Variants in TTC7A observed in about 807,000 individuals in gnomAD.
The protein encoded by TTC7A is tetratricopeptide repeat protein 7A.
A neutral mutation model predicts 103.7 loss-of-function variants in TTC7A; 110 were observed. That is an observed-to-expected ratio of 1.06 (90% CI 0.91 to 1.24). TTC7A has a LOEUF of 1.24. Ranked by LOEUF, TTC7A falls within the 50% of genes most tolerant of loss-of-function variation. TTC7A has a pLI of 0.00. For synonymous variants in TTC7A, 521 were observed against 467.9 expected (o/e 1.11, Z -1.47); for missense variants, 1,340 against 1,116.3 (o/e 1.20, Z -2.86).
chr2:47,029,171 T>C, intron 14 of TTC7A, 53 bp from the exon 15 acceptor site: 1 of 1,599,366 alleles, frequency 6.3e-7, no homozygotes. Flanking sequence ...GGCTCCTGAG[T>C]CCCAGGGCAG....
intron 19 of TTC7A, among the ~76,000 whole-genome samples, chr2:47,072,684 C>T (rs1684861793): frequency 6.6e-6 from 1 of 152,198 alleles, no homozygotes; most frequent in African/African-American, 2.4e-5. Flanking sequence ...CGGTGGTGGG[C>T]TTTACCTCCC....
rs144064667 is a variant in TTC7A at position 47,023,440 on chromosome 2, C to T, written c.1543C>T (p.Arg515Trp). The T allele has an allele frequency of 3.0e-4, 483 of 1,614,092 alleles. No individual in the cohort carries two copies. The African/African-American group carries it at 5.2e-3, about 17-fold the overall frequency. ...TLKSKQDELH[R>W]KALQTLERAQ... ...GAAGTCCAAGCAAGATGAATTGCACCGGAAGGCACTGCAGACGCTGGAGAG... is the reference window on the plus strand; with the variant it reads ...GAAGTCCAAGCAAGATGAATTGCACTGGAAGGCACTGCAGACGCTGGAGAG... Residue 515 changes from arginine (R) to tryptophan (W), a missense_variant, in exon 13 of 20, where the codon CGG becomes TGG. Arg to Trp is a moderately radical substitution (Grantham distance 101). Coordinates refer to ENST00000319190, the MANE Select transcript of TTC7A (RefSeq NM_020458.4).
chr2:46,930,782 G>T (rs1669659075), intron 2 of TTC7A, among the ~76,000 whole-genome samples: 1 of 152,086 alleles, frequency 6.6e-6, no homozygotes, highest in African/African-American at 2.4e-5. Flanking sequence ...TTACAGGCGT[G>T]AGCCACCGCA....
At chr2:47,053,727 G>A (rs1248130971) in intron 18 of TTC7A, among the ~76,000 whole-genome samples, 3 of 151,990 alleles carry the variant, frequency 2.0e-5, no homozygotes, top group South Asian at 2.1e-4. Context: ...GTGTGCCACC[G>A]TGCCCGGCTA....
intron 3 of TTC7A, among the ~76,000 whole-genome samples, chr2:46,958,975 C>T (rs1219034916): frequency 6.6e-6 from 1 of 152,212 alleles, no homozygotes; most frequent in African/African-American, 2.4e-5. Flanking sequence ...GTTGAGCCCC[C>T]TCTGTAACCC....
At chr2:46,968,810 A>G (rs1328031910) in intron 3 of TTC7A, among the ~76,000 whole-genome samples, 5 of 152,218 alleles carry the variant, frequency 3.3e-5, no homozygotes, top group Non-Finnish European at 1.5e-5. Context: ...GAATTAGGCC[A>G]GTGTAAATAT....
intron 14 of TTC7A, among the ~76,000 whole-genome samples, chr2:47,025,352 C>A (rs1011605439): frequency 2.6e-5 from 4 of 152,196 alleles, no homozygotes; most frequent in Non-Finnish European, 4.4e-5. Flanking sequence ...CCTCTCTGAT[C>A]CACAGCCCAC....
chr2:47,023,998 T>C (rs1679596239), intron 13 of TTC7A, among the ~76,000 whole-genome samples: 1 of 149,876 alleles, frequency 6.7e-6, no homozygotes, highest in Admixed American at 6.6e-5. Context: ...ATTCATCCCA[T>C]CGTCTTTCTT....
chr2:47,033,683 TG>T (rs1680800493), intron 15 of TTC7A, among the ~76,000 whole-genome samples: 1 of 152,190 alleles, frequency 6.6e-6, no homozygotes. Flanking sequence ...CTCTCTCCCC[TG>T]GCTTGGGAGG....
chr2:47,060,213 T>TA (rs1683649813), intron 18 of TTC7A, among the ~76,000 whole-genome samples: 1 of 151,788 alleles, frequency 6.6e-6, no homozygotes, highest in African/African-American at 2.4e-5. Context: ...CTACCAAAAA[T>TA]ACAAAAATTA....
chr2:47,068,624 T>A (rs1684382630), intron 19 of TTC7A: 1 of 150,940 alleles, frequency 6.6e-6, no homozygotes, highest in African/African-American at 2.4e-5. Context: ...GGTATGAGGG[T>A]GTGTCCCCCA....
chr2:46,950,622 A>G, intron 2 of TTC7A, 96 bp downstream of exon 2: 7 of 1,363,188 alleles, frequency 5.1e-6, no homozygotes, highest in Non-Finnish European at 6.9e-6. Flanking sequence ...CACCTGAGCA[A>G]CAAGTCTCTC....
chr2:47,043,874 ACTT>A (rs1682029187), intron 15 of TTC7A, among the ~76,000 whole-genome samples: 1 of 152,152 alleles, frequency 6.6e-6, no homozygotes. Context: ...GTTTTCATCC[ACTT>A]CTTTGCCAGG....
intron 11 of TTC7A, among the ~76,000 whole-genome samples, chr2:47,015,700 G>C (rs1678577271): frequency 6.6e-6 from 1 of 152,176 alleles, no homozygotes; most frequent in South Asian, 2.1e-4. Context: ...CACCGTTACA[G>C]CCCCTTGAAA....
chr2:46,973,512 G>A (rs954513218), intron 3 of TTC7A, among the ~76,000 whole-genome samples: 4 of 152,204 alleles, frequency 2.6e-5, no homozygotes, highest in Non-Finnish European at 5.9e-5. Flanking sequence ...CGGTTGAGGT[G>A]AACTGTTTCC....
At chr2:47,038,378 G>A (rs191159048) in intron 15 of TTC7A, among the ~76,000 whole-genome samples, 63 of 152,246 alleles carry the variant, frequency 4.1e-4, no homozygotes, top group Admixed American at 3.1e-3. Flanking sequence ...CACTGAGTCC[G>A]ACTTGGTGCA....
chr2:46,927,873 G>A (rs939507024), intron 2 of TTC7A, among the ~76,000 whole-genome samples: 2 of 135,910 alleles, frequency 1.5e-5, no homozygotes, highest in Non-Finnish European at 3.2e-5. Flanking sequence ...TAATATTGGG[G>A]TTTTTTTGGT....
Position 46,941,446 on chromosome 2 carries a change from G to C in TTC7A, c.-96G>C. 7.3e-7 allele frequency: 1 copy of C among 1,364,442 alleles called. No individual in the cohort carries two copies. Among genetic ancestry groups the C allele is most frequent in the South Asian group, 1.6e-5 (1 of 60,674 alleles). The allele number at this position is 1,364,442 out of a possible 1,614,324, so 84.5% of individuals were successfully genotyped here. A position where few individuals can be genotyped will look rare whatever the true frequency, so the allele number is the denominator to read the frequency against. ...GGCCCCGGCTGCCGTCTGCGCCCCC[G>C]TCGACCCCGCCCGCGAGTGCGCCCC... On this transcript the variant is annotated 5_prime_UTR_variant, in exon 1 of 20. Transcript: ENST00000319190. The surrounding 1 kb of genome is among the most constrained non-coding windows in gnomAD (Gnocchi z 4.2).
At chr2:46,983,617 GCACGGA>G (rs1674706273) in intron 5 of TTC7A, among the ~76,000 whole-genome samples, 1 of 152,216 alleles carries the variant, frequency 6.6e-6, no homozygotes, top group Non-Finnish European at 1.5e-5. Context: ...ATGAAGCCCG[GCACGGA>G]CCTGGGGCAG....
Sources: allele counts gnomAD v4.1 joint callset (sites outside exome capture counted in the v4.1 genomes callset), GRCh38; gene constraint gnomAD v4.1.1; non-coding constraint Gnocchi (gnomAD v3.1); transcripts MANE v1.5; gene names NCBI Gene and HGNC (gene_info 2026-07-23, HGNC 2026-07-21).